The following ATRNL1 variants were observed in gnomAD, a reference collection of about 807,000 sequenced individuals.
The protein encoded by ATRNL1 is attractin-like protein 1.
Under a neutral mutation model 182.7 loss-of-function variants are expected in ATRNL1, and 95 were observed. That is an observed-to-expected ratio of 0.52 (90% CI 0.44 to 0.62). The LOEUF is 0.62. ATRNL1 is among the 20% of genes least tolerant of loss of function. The pLI is 0.00. For synonymous variants in ATRNL1, 576 were observed against 568.3 expected, an observed-to-expected ratio of 1.01 and a Z score of -0.19; for missense variants, 1,471 against 1,679.5, an observed-to-expected ratio of 0.88 and a Z score of 2.17.
At chr10:115,095,733 A>G (rs903475063) in intron 1 of ATRNL1, among the ~76,000 whole-genome samples, 2 of 152,098 alleles carry the variant, frequency 1.3e-5, no homozygotes, top group Non-Finnish European at 2.9e-5. Flanking sequence ...AACGTTTGCT[A>G]TGACAGTAGA....
intron 27 of ATRNL1, among the ~76,000 whole-genome samples, chr10:115,786,269 G>A (rs1949394513): frequency 6.6e-6 from 1 of 151,808 alleles, no homozygotes; most frequent in Non-Finnish European, 1.5e-5. Flanking sequence ...CCCCTTACTT[G>A]GTATCAAAAT....
intron 26 of ATRNL1, among the ~76,000 whole-genome samples, chr10:115,632,985 C>T (rs1228155786): frequency 1.3e-5 from 2 of 151,904 alleles, no homozygotes; most frequent in African/African-American, 2.4e-5. Context: ...CTCCGCCTCC[C>T]GGATTTAAAT....
At chr10:115,508,650 G>A (rs564114828) in intron 24 of ATRNL1, among the ~76,000 whole-genome samples, 10 of 152,084 alleles carry the variant, frequency 6.6e-5, no homozygotes, top group South Asian at 2.1e-4. Flanking sequence ...TAACATTCCC[G>A]TAAACCTAAG....
chr10:115,623,439 T>C (rs1164175613), intron 26 of ATRNL1, among the ~76,000 whole-genome samples: 1 of 152,120 alleles, frequency 6.6e-6, no homozygotes, highest in Admixed American at 6.5e-5. Context: ...TGGAGTTGAA[T>C]AATACTGGAA....
At chr10:115,923,406 C>T (rs1420385448) in intron 28 of ATRNL1, among the ~76,000 whole-genome samples, 2 of 152,128 alleles carry the variant, frequency 1.3e-5, no homozygotes, top group African/African-American at 2.4e-5. Context: ...TCCCTCCCTT[C>T]GCGCCCAACC....
At chr10:115,130,083 C>G (rs144171657) in intron 5 of ATRNL1, among the ~76,000 whole-genome samples, 1 of 152,202 alleles carries the variant, frequency 6.6e-6, no homozygotes, top group East Asian at 1.9e-4. Flanking sequence ...AAATATCTAT[C>G]ATCAAAGATT....
chr10:115,657,365 T>A (rs11197384), intron 26 of ATRNL1, among the ~76,000 whole-genome samples: 4,269 of 152,232 alleles, frequency 0.028, 101 homozygotes, highest in Non-Finnish European at 0.043. Flanking sequence ...TGGGCAGCAT[T>A]GCAGTACAGT....
intron 24 of ATRNL1, among the ~76,000 whole-genome samples, chr10:115,475,724 T>C (rs1848498211): frequency 6.6e-6 from 1 of 151,422 alleles, no homozygotes; most frequent in South Asian, 2.1e-4. Context: ...TTGTTCTAAA[T>C]TGTAAATAGA....
chr10:115,132,275 G>A (rs1277514286), intron 5 of ATRNL1, among the ~76,000 whole-genome samples: 13 of 152,116 alleles, frequency 8.5e-5, no homozygotes, highest in Non-Finnish European at 1.8e-4. Flanking sequence ...ATTTTTTATG[G>A]CTGTATAGTA....
intron 26 of ATRNL1, among the ~76,000 whole-genome samples, chr10:115,598,935 C>T (rs1322079453): frequency 1.1e-4 from 17 of 152,082 alleles, no homozygotes; most frequent in African/African-American, 4.1e-4. Context: ...TTCTGTTATA[C>T]TTTATTGAAA....
In ATRNL1 at chr10:115,857,224, G is replaced by C. The variant is rs114072544; in HGVS notation, c.4018+9233G>C. ...GTGTTAATCAACTGTTTAGATTATT[G>C]GCAAGGCTTCTGATAAAAAATAGGC... On this transcript the variant is annotated intron_variant, in intron 28 of 28. Coordinates refer to ENST00000355044, the MANE Select transcript of ATRNL1 (RefSeq NM_207303.4). Among the ~76,000 whole-genome samples, 430 of 151,956 alleles carry C rather than the reference G, an allele frequency of 2.8e-3. 1 individual carries two copies. The highest frequency in any genetic ancestry group is 9.9e-3 in the African/African-American group (410 of 41,428).
intron 28 of ATRNL1, among the ~76,000 whole-genome samples, chr10:115,868,382 A>C (rs1951488685): frequency 2.0e-5 from 3 of 152,164 alleles, no homozygotes; most frequent in African/African-American, 7.2e-5. Context: ...AAGTCTCTTA[A>C]TAGGGACAAT....
At chr10:115,508,527 T>C (rs947824945) in intron 24 of ATRNL1, among the ~76,000 whole-genome samples, 10 of 152,046 alleles carry the variant, frequency 6.6e-5, no homozygotes, top group African/African-American at 2.4e-4. Context: ...GGAAAAATTC[T>C]TGAAGGAAAT....
intron 26 of ATRNL1, among the ~76,000 whole-genome samples, chr10:115,724,007 G>A (rs1215661645): frequency 1.3e-5 from 2 of 151,776 alleles, no homozygotes; most frequent in Non-Finnish European, 2.9e-5. Flanking sequence ...ATAATCTATT[G>A]TATTATGATC....
intron 24 of ATRNL1, among the ~76,000 whole-genome samples, chr10:115,484,750 A>G (rs1376630632): frequency 4.6e-5 from 7 of 151,880 alleles, no homozygotes; most frequent in Admixed American, 2.6e-4. Flanking sequence ...CTCAGAGTTA[A>G]CCATATTTTA....
At chr10:115,233,331 T>A (rs1554900441) in intron 9 of ATRNL1, among the ~76,000 whole-genome samples, 1 of 152,182 alleles carries the variant, frequency 6.6e-6, no homozygotes, top group African/African-American at 2.4e-5. Flanking sequence ...TTTTAATTTC[T>A]TTTTCTGTTT....
chr10:115,920,497 A>G (rs1953017972), intron 28 of ATRNL1, among the ~76,000 whole-genome samples: 1 of 152,210 alleles, frequency 6.6e-6, no homozygotes, highest in Non-Finnish European at 1.5e-5. Context: ...CCAGGGAATA[A>G]TATAATTGTT....
intron 25 of ATRNL1, among the ~76,000 whole-genome samples, chr10:115,547,089 A>G (rs1372825094): frequency 6.6e-6 from 1 of 151,726 alleles, no homozygotes; most frequent in Non-Finnish European, 1.5e-5. Context: ...CCCCATCTCT[A>G]CTAAAAATAC....
rs541664228 is a variant in ATRNL1, at chr10:115,504,200, AAT to A, written c.3655-15061_3655-15060del. Among the ~76,000 whole-genome samples, 329 of 152,172 alleles carry A rather than the reference AAT, an allele frequency of 2.2e-3. 1 individual carries two copies. The highest frequency in any genetic ancestry group is 7.7e-3 in the African/African-American group (319 of 41,580). ...TACCTAGATTGTGTATGAAAACTGA[AAT>A]AGTCATTATTTAAAGTTATTGAACT... On this transcript the variant is annotated intron_variant, in intron 24 of 28. Transcript: ENST00000355044.
Sources: gnomAD v4.1 joint callset for allele counts (sites outside exome capture counted in the v4.1 genomes callset) on GRCh38, gnomAD v4.1.1 for gene constraint, MANE v1.5 for transcripts, NCBI Gene and HGNC (gene_info 2026-07-23, HGNC 2026-07-21) for gene names.